The following FKTN variants were observed in gnomAD, a reference collection of about 807,000 sequenced individuals.
FKTN encodes ribitol-5-phosphate transferase FKTN.
FKTN carries 47 observed loss-of-function variants against 58.6 expected under a neutral mutation model. That is an observed-to-expected ratio of 0.80 (90% CI 0.63 to 1.02). The LOEUF is 1.02. Ranked by LOEUF, FKTN falls within the 50% of genes least tolerant of loss-of-function variation. The pLI, the probability that FKTN is intolerant of heterozygous loss-of-function variation, is 0.00. For synonymous variants in FKTN, 178 were observed against 191.9 expected (o/e 0.93, Z 0.60); for missense variants, 516 against 537.3 (o/e 0.96, Z 0.39).
intron 3 of FKTN, among the ~76,000 whole-genome samples, chr9:105,590,603 G>A (rs374316115): frequency 2.6e-4 from 39 of 152,276 alleles, no homozygotes; most frequent in African/African-American, 2.4e-4. Context: ...TGACAGAAGC[G>A]AGTCAAGGAT....
intron 10 of FKTN, among the ~76,000 whole-genome samples, chr9:105,623,527 C>T (rs1221947933): frequency 6.6e-6 from 1 of 152,154 alleles, no homozygotes; most frequent in Non-Finnish European, 1.5e-5. Context: ...AGGAAATCTA[C>T]TCCTTGGGCT....
At position 105,577,484 on chromosome 9, in the gene FKTN, T is replaced by C. The variant is rs1164510907; in HGVS notation, c.105+2347T>C. Among the ~76,000 whole-genome samples the C allele has an allele frequency of 7.6e-4, 112 of 146,842 alleles. 2 individuals carry two copies. The highest frequency in any genetic ancestry group is 2.7e-3 in the African/African-American group (101 of 37,590). ...GTCAAAGATCAGATAGTTGTAGGTATGCGGCATTATTTCTGAGGGCTCTGT... is the reference window on the plus strand; with the variant it reads ...GTCAAAGATCAGATAGTTGTAGGTACGCGGCATTATTTCTGAGGGCTCTGT... On this transcript the variant is annotated intron_variant, in intron 3 of 10. Coordinates refer to ENST00000357998, the MANE Select transcript of FKTN (RefSeq NM_001079802.2).
chr9:105,630,895 A>T (rs1185011202), intron 10 of FKTN, among the ~76,000 whole-genome samples: 2 of 152,158 alleles, frequency 1.3e-5, no homozygotes, highest in African/African-American at 4.8e-5. Context: ...ACATTTAGGG[A>T]GGCCGAGGCA....
chr9:105,562,786 G>C (rs1056769820), intron 1 of FKTN, among the ~76,000 whole-genome samples: 6 of 152,188 alleles, frequency 3.9e-5, no homozygotes, highest in Admixed American at 3.9e-4. Flanking sequence ...TCTCTTAGCT[G>C]TCATAATTTT....
chr9:105,628,109 G>A (rs1336938589), intron 10 of FKTN, among the ~76,000 whole-genome samples: 1 of 152,192 alleles, frequency 6.6e-6, no homozygotes, highest in Non-Finnish European at 1.5e-5. Context: ...TGCTCCTACA[G>A]TTGTAACTCC....
At chr9:105,601,448 A>G in intron 5 of FKTN, 100 bp downstream of exon 5, 2 of 780,680 alleles carry the variant, frequency 2.6e-6, no homozygotes, top group South Asian at 1.5e-5. Flanking sequence ...TTTTTCCTGA[A>G]ACACTTTATA....
At position 105,604,294 on chromosome 9, in the gene FKTN, T is replaced by A. The variant is rs752114639; in HGVS notation, c.449T>A (p.Ile150Lys). 3 of 1,613,680 alleles carry A rather than the reference T, an allele frequency of 1.9e-6. No homozygotes were observed. In the East Asian group the frequency reaches 6.7e-5, roughly 36 times the overall value. Reference sequence around the variant, plus strand: ...AGTAAAGATCCCCGGCTAGACGGGATAGACTCACTCTCTGGAACTGAAATC... The same window carrying A: ...AGTAAAGATCCCCGGCTAGACGGGAAAGACTCACTCTCTGGAACTGAAATC... The part of the protein sequence containing the change: ...IESKDPRLDG[I>K]DSLSGTEIPL... The change falls in exon 6 of 11, where the codon ATA becomes AAA. Residue 150 changes from isoleucine to lysine, a missense_variant. Transcript: ENST00000357998.
intron 4 of FKTN, chr9:105,598,729 T>A (rs1329807571): frequency 6.6e-6 from 1 of 152,170 alleles, no homozygotes; most frequent in Non-Finnish European, 1.5e-5. Context: ...TGCTTGACCC[T>A]GACCTAATCT....
chr9:105,608,117 A>G (rs1047026919), intron 7 of FKTN, among the ~76,000 whole-genome samples, 166 bp downstream of exon 7: 2 of 152,282 alleles, frequency 1.3e-5, no homozygotes, highest in African/African-American at 4.8e-5. Flanking sequence ...TTTTTTTAGA[A>G]GTAGATTAAA....
At chr9:105,613,823 C>T (rs1157942187) in intron 7 of FKTN, among the ~76,000 whole-genome samples, 1 of 152,188 alleles carries the variant, frequency 6.6e-6, no homozygotes, top group Non-Finnish European at 1.5e-5. Flanking sequence ...ATTCTTTGCT[C>T]TATAAATGTT....
intron 1 of FKTN, among the ~76,000 whole-genome samples, chr9:105,567,904 A>G (rs1174243947): frequency 1.3e-5 from 2 of 152,268 alleles, no homozygotes; most frequent in African/African-American, 4.8e-5. Context: ...CTACAAGGCT[A>G]CAGTAACCAA....
intron 8 of FKTN, among the ~76,000 whole-genome samples, chr9:105,615,614 G>C (rs1564319906): frequency 6.6e-6 from 1 of 152,108 alleles, no homozygotes; most frequent in Non-Finnish European, 1.5e-5. Context: ...AAAGGCCATG[G>C]TTGTGTTTAC....
intron 10 of FKTN, among the ~76,000 whole-genome samples, chr9:105,622,218 T>A (rs868043119): frequency 4.6e-5 from 7 of 152,168 alleles, no homozygotes; most frequent in Middle Eastern, 3.4e-3. Context: ...CTAGTCAGTA[T>A]AATGTATCAT....
intron 10 of FKTN, among the ~76,000 whole-genome samples, chr9:105,631,129 TCAAA>T (rs954365018): frequency 2.0e-5 from 3 of 152,084 alleles, no homozygotes; most frequent in Non-Finnish European, 2.9e-5. Context: ...CGAGACTGTC[TCAAA>T]CAAACAAACA....
At chr9:105,589,968 C>T (rs1333574469) in intron 3 of FKTN, among the ~76,000 whole-genome samples, 4 of 152,086 alleles carry the variant, frequency 2.6e-5, no homozygotes, top group African/African-American at 7.2e-5. Flanking sequence ...TCTTGTAAGC[C>T]GTTGTAAGGA....
chr9:105,600,588 T>C lies in FKTN; in HGVS notation c.166-557T>C, dbSNP rs188547249. On this transcript the variant is annotated intron_variant, in intron 4 of 10. Transcript: ENST00000357998. ...CAGTATTAGAAAAGCACATTATATATGGCAGTCATCAAGCAGGCAGTGTAT... is the reference window on the plus strand; with the variant it reads ...CAGTATTAGAAAAGCACATTATATACGGCAGTCATCAAGCAGGCAGTGTAT... Among the ~76,000 whole-genome samples, 5 of 152,288 alleles carry C rather than the reference T, an allele frequency of 3.3e-5. No individual in the cohort carries two copies. In the East Asian group the frequency reaches 9.6e-4, roughly 29 times the overall value.
intron 10 of FKTN, among the ~76,000 whole-genome samples, chr9:105,620,512 A>G (rs1831690399): frequency 6.6e-6 from 1 of 152,136 alleles, no homozygotes; most frequent in African/African-American, 2.4e-5. Flanking sequence ...CTAGTCCTCA[A>G]AATAACCTTC....
At position 105,637,493 on chromosome 9, in the gene FKTN, G is replaced by C; in HGVS notation, c.*2229G>C. 1.0e-6 allele frequency: 1 copy of C among 985,406 alleles called. No individual in the cohort carries two copies. Among genetic ancestry groups the C allele is most frequent in the East Asian group, 1.1e-4 (1 of 8,814 alleles). The allele number at this position is 985,406 out of a possible 1,614,324, so 61.0% of individuals were successfully genotyped here. A position where few individuals can be genotyped will look rare whatever the true frequency, so the allele number is the denominator to read the frequency against. On this transcript the variant is annotated 3_prime_UTR_variant, in exon 11 of 11. Coordinates refer to ENST00000357998, the MANE Select transcript of FKTN (RefSeq NM_001079802.2). ...GCCTTCTCTAGAATCTGAAGGCCAG[G>C]CTTACCTCTGATTCTGATTCATCCA... is the stretch of plus-strand genomic sequence containing the variant.
intron 1 of FKTN, among the ~76,000 whole-genome samples, chr9:105,566,478 A>T (rs1839646330): frequency 6.6e-6 from 1 of 152,234 alleles, no homozygotes; most frequent in South Asian, 2.1e-4. Context: ...ATCACCACCG[A>T]TCCCACCGAA....
Sources: allele counts gnomAD v4.1 joint callset (sites outside exome capture counted in the v4.1 genomes callset), GRCh38; gene constraint gnomAD v4.1.1; transcripts MANE v1.5; gene names NCBI Gene and HGNC (gene_info 2026-07-23, HGNC 2026-07-21).